RAB11FIP5: variants seen among roughly 807,000 people sequenced by gnomAD.
RAB11FIP5 encodes the protein rab11 family-interacting protein 5.
In RAB11FIP5, 48 loss-of-function variants were observed where a neutral mutation model predicts 85.1. The ratio of observed to expected loss-of-function variants is 0.56; its 90% CI spans 0.45 to 0.72. RAB11FIP5 has a LOEUF of 0.72. Ranked by LOEUF, RAB11FIP5 falls within the 30% of genes least tolerant of loss-of-function variation. The pLI is 0.00. For synonymous variants in RAB11FIP5, 729 were observed against 727.3 expected (o/e 1.00, Z -0.04); for missense variants, 1,491 against 1,687.0 (o/e 0.88, Z 2.04).
rs115242823 is a variant in RAB11FIP5, at chr2:73,110,715, G to T, written c.431+1632C>A. On this transcript the variant is annotated intron_variant, in intron 1 of 5. Transcript: ENST00000486777. The stretch of plus-strand genomic sequence containing the variant: ...GGAAGATCCAGAGGCCAAGAGGAAA[G>T]CAAGGGCAGGAACTGGAAAAAACAA... Among the ~76,000 whole-genome samples, 1,098 of 152,306 alleles carry T rather than the reference G, an allele frequency of 7.2e-3. 19 individuals are homozygous for T. Among genetic ancestry groups the T allele is most frequent in the African/African-American group, 0.025 (1,032 of 41,562 alleles).
intron 1 of RAB11FIP5, among the ~76,000 whole-genome samples, chr2:73,092,878 G>C (rs1355587227): frequency 2.0e-5 from 3 of 152,114 alleles, no homozygotes; most frequent in Non-Finnish European, 4.4e-5. Context: ...TCAAGGGCAG[G>C]ACTGAATGGG....
In RAB11FIP5 at chr2:73,081,210, C is replaced by T. The variant is rs1683971629; in HGVS notation, c.2022G>A (p.Val674=). The T allele has an allele frequency of 8.1e-7, 1 of 1,232,358 alleles. No homozygotes were observed. The highest frequency in any genetic ancestry group is 1.0e-6 in the Non-Finnish European group (1 of 988,186). 76.3% of individuals were successfully genotyped at this position (1,232,358 alleles called of 1,614,324 possible). A position where few individuals can be genotyped will look rare whatever the true frequency, so the allele number is the denominator to read the frequency against. ...ARSEILAPAG[V]GLEAAGLQDP... The stretch of plus-strand genomic sequence containing the variant: ...CTTGCAGCCCTGCCGCCTCCAGCCC[C>T]ACTCCTGCAGGGGCCAGGATCTCGC... Residue 674 remains valine (V), a synonymous_variant, in exon 4 of 6, where the codon GTG becomes GTA. Transcript: ENST00000486777. This position sits in a 1 kb window ranked among gnomAD's most constrained non-coding sequence, Gnocchi z 4.2.
At chr2:73,082,030 C>A (rs1683993321) in intron 3 of RAB11FIP5, among the ~76,000 whole-genome samples, 2 of 148,972 alleles carry the variant, frequency 1.3e-5, no homozygotes, top group Non-Finnish European at 3.0e-5. Context: ...TCTGAAAGCG[C>A]CTTACATCCC....
At chr2:73,092,581 C>T (rs959049872) in intron 1 of RAB11FIP5, among the ~76,000 whole-genome samples, 26 of 152,086 alleles carry the variant, frequency 1.7e-4, no homozygotes, top group African/African-American at 5.3e-4. Flanking sequence ...GGCGGGAGGC[C>T]GAGTTTCAGG....
At chr2:73,093,695 G>A (rs904301649) in intron 1 of RAB11FIP5, among the ~76,000 whole-genome samples, 6 of 152,222 alleles carry the variant, frequency 3.9e-5, no homozygotes, top group African/African-American at 1.4e-4. Flanking sequence ...GGCACGCCAA[G>A]CCTGGTTGGC....
At position 73,089,272 on chromosome 2, in the gene RAB11FIP5, G is replaced by A. The variant is rs145897178; in HGVS notation, c.475C>T (p.Arg159Cys). 12 of 1,614,020 alleles carry A rather than the reference G, an allele frequency of 7.4e-6. No individual in the cohort carries two copies. The highest frequency in any genetic ancestry group is 6.7e-5 in the African/African-American group (5 of 74,916). Residue 159 changes from arginine to cysteine, a missense_variant, in exon 2 of 6, where the codon CGC (arginine) becomes TGC (cysteine). By Grantham distance (180) the Arg-to-Cys change is radical. Coordinates refer to ENST00000486777, the MANE Select transcript of RAB11FIP5 (RefSeq NM_001371272.1). This position sits in a 1 kb window ranked among gnomAD's most constrained non-coding sequence, Gnocchi z 4.6. ...HSKPGKKEKE[R>C]GEIEVTIQFT... is the part of the protein sequence containing the mutation. ...TGGATGGTGACTTCAATCTCGCCGC[G>A]TTCCTTCTCCTTCTTGCCTGGCTTG...
chr2:73,096,976 T>C (rs1684330795), intron 1 of RAB11FIP5, among the ~76,000 whole-genome samples: 1 of 152,178 alleles, frequency 6.6e-6, no homozygotes, highest in African/African-American at 2.4e-5. Context: ...TAGGGCTCTG[T>C]TCATCCAAGC....
At chr2:73,101,900 C>G (rs1045988390) in intron 1 of RAB11FIP5, among the ~76,000 whole-genome samples, 1 of 152,220 alleles carries the variant, frequency 6.6e-6, no homozygotes, top group Non-Finnish European at 1.5e-5. Context: ...CTCCAATGTT[C>G]CCCAAGTATT....
chr2:73,100,662 G>C (rs1684411285), intron 1 of RAB11FIP5, among the ~76,000 whole-genome samples: 2 of 152,106 alleles, frequency 1.3e-5, no homozygotes, highest in African/African-American at 4.8e-5. Context: ...CTGACCTCAA[G>C]TGATCCATCT....
chr2:73,110,968 C>T (rs1157185549), intron 1 of RAB11FIP5, among the ~76,000 whole-genome samples: 1 of 152,064 alleles, frequency 6.6e-6, no homozygotes, highest in Admixed American at 6.5e-5. Flanking sequence ...CATATACCCA[C>T]CCCCTTGGGC....
Position 73,088,148 on chromosome 2 carries a change from G to T in RAB11FIP5, c.1470C>A (p.Ile490=). The T allele has an allele frequency of 6.2e-7, 1 of 1,614,086 alleles. No individual in the cohort carries two copies. The highest frequency in any genetic ancestry group is 8.5e-7 in the Non-Finnish European group (1 of 1,180,018). The change falls in exon 3 of 6, where the codon ATC becomes ATA. Residue 490 remains isoleucine (I), a synonymous_variant. Coordinates refer to ENST00000486777, the MANE Select transcript of RAB11FIP5 (RefSeq NM_001371272.1). Reference sequence around the variant, plus strand: ...ATGAGTGATGTGGGGAGGCCCCCAGGATGGGACCCCCCTTTTCCCCCAGAG... The same window carrying T: ...ATGAGTGATGTGGGGAGGCCCCCAGTATGGGACCCCCCTTTTCCCCCAGAG... The part of the protein sequence containing the change: ...RSSLGEKGGP[I]LGASPHHSSS...
At chr2:73,108,597 G>A (rs1684576428) in intron 1 of RAB11FIP5, among the ~76,000 whole-genome samples, 1 of 152,040 alleles carries the variant, frequency 6.6e-6, no homozygotes, top group African/African-American at 2.4e-5. Context: ...CCATTCCCTG[G>A]GGGTGTGATC....
intron 3 of RAB11FIP5, among the ~76,000 whole-genome samples, chr2:73,085,071 T>G (rs1574295681): frequency 6.6e-6 from 1 of 152,110 alleles, no homozygotes; most frequent in African/African-American, 2.4e-5. Context: ...GACAAGAGCA[T>G]GGTTGTGAGG....
At position 73,081,225 on chromosome 2, in the gene RAB11FIP5, C is replaced by G; in HGVS notation, c.2007G>C (p.Leu669=). The change falls in exon 4 of 6, where the codon CTG becomes CTC. Residue 669 remains leucine, a synonymous_variant. Coordinates refer to ENST00000486777, the MANE Select transcript of RAB11FIP5 (RefSeq NM_001371272.1). This position sits in a 1 kb window ranked among gnomAD's most constrained non-coding sequence, Gnocchi z 4.2. ...CCTCCAGCCCCACTCCTGCAGGGGC[C>G]AGGATCTCGCTCCTGGCCTCTGGAC... ...RLRPEARSEI[L]APAGVGLEAA... 8.1e-7 allele frequency: 1 copy of G among 1,232,364 alleles called. No individual in the cohort carries two copies. Among genetic ancestry groups the G allele is most frequent in the Non-Finnish European group, 1.0e-6 (1 of 988,174 alleles). 76.3% of individuals were successfully genotyped at this position (1,232,364 alleles called of 1,614,324 possible).
intron 1 of RAB11FIP5, 74 bp downstream of exon 1, chr2:73,112,273 G>A (rs1684672782): frequency 1.4e-6 from 2 of 1,383,744 alleles, no homozygotes; most frequent in African/African-American, 1.5e-5. Flanking sequence ...GCTGAAGTTC[G>A]GGGTCCTGAT....
At chr2:73,107,554 C>A (rs1684553171) in intron 1 of RAB11FIP5, among the ~76,000 whole-genome samples, 1 of 152,118 alleles carries the variant, frequency 6.6e-6, no homozygotes, top group Non-Finnish European at 1.5e-5. Flanking sequence ...GGCTCAGGGC[C>A]AGGGGCAGAT....
At position 73,088,064 on chromosome 2, in the gene RAB11FIP5, C is replaced by A; in HGVS notation, c.1554G>T (p.Pro518=). Residue 518 remains proline, a synonymous_variant, in exon 3 of 6, where the codon CCG becomes CCT. Coordinates refer to ENST00000486777, the MANE Select transcript of RAB11FIP5 (RefSeq NM_001371272.1). The stretch of plus-strand genomic sequence containing the variant: ...CAACGACTTACCTGGGTTTCTGAGT[C>A]GGGTCCTTGGCTTCTCTCAAGCCAA... ...SWFGLREAKD[P]TQKPSLDVSP... 2 of 1,596,264 alleles carry A rather than the reference C, an allele frequency of 1.3e-6. No individual in the cohort carries two copies. The highest frequency in any genetic ancestry group is 1.1e-5 in the South Asian group (1 of 88,578).
Position 73,075,875 on chromosome 2 carries a change from C to G in RAB11FIP5, c.3771+118G>C. ...GTCTCCAAAGTCAGAGCCTAACTGG[C>G]TTCAGGACTCTGATATGGGGGACCT... is the stretch of plus-strand genomic sequence containing the variant. On this transcript the variant is annotated intron_variant, in intron 5 of 5. Transcript: ENST00000486777. This position sits in a 1 kb window ranked among gnomAD's most constrained non-coding sequence, Gnocchi z 4.6. The G allele has an allele frequency of 6.9e-7, 1 of 1,458,768 alleles. No individual in the cohort carries two copies. The highest frequency in any genetic ancestry group is 9.3e-7 in the Non-Finnish European group (1 of 1,070,818). The allele number at this position is 1,458,768 out of a possible 1,614,324, so 90.4% of individuals were successfully genotyped here. A position where few individuals can be genotyped will look rare whatever the true frequency, so the allele number is the denominator to read the frequency against.
intron 4 of RAB11FIP5, among the ~76,000 whole-genome samples, chr2:73,079,062 A>T (rs921827752): frequency 2.0e-5 from 3 of 152,208 alleles, no homozygotes; most frequent in African/African-American, 7.2e-5. Flanking sequence ...TGAGAGTTAC[A>T]TATGTGGGAA....
Sources: allele counts gnomAD v4.1 joint callset (sites outside exome capture counted in the v4.1 genomes callset), GRCh38; gene constraint gnomAD v4.1.1; non-coding constraint Gnocchi (gnomAD v3.1); transcripts MANE v1.5; gene names NCBI Gene and HGNC (gene_info 2026-07-23, HGNC 2026-07-21).